The following MTHFS variants were observed in gnomAD, a reference collection of about 807,000 sequenced individuals.
MTHFS encodes 5-formyltetrahydrofolate cyclo-ligase.
MTHFS carries 7 observed loss-of-function variants against 12.7 expected under a neutral mutation model. That is an observed-to-expected ratio of 0.55 (90% CI 0.31 to 1.03). The LOEUF (loss-of-function observed/expected upper bound fraction) is 1.03. Ranked by LOEUF, MTHFS falls within the 50% of genes least tolerant of loss-of-function variation. The pLI, the probability that MTHFS is intolerant of heterozygous loss-of-function variation, is 0.05. For synonymous variants in MTHFS, 100 were observed against 97.1 expected, an observed-to-expected ratio of 1.03 and a Z score of -0.18; for missense variants, 252 against 258.1, an observed-to-expected ratio of 0.98 and a Z score of 0.16.
chr15:79,876,403 G>C (rs535122253), intron 2 of MTHFS: 4 of 151,906 alleles, frequency 2.6e-5, no homozygotes, highest in African/African-American at 9.7e-5. Flanking sequence ...ACAAGGTCAG[G>C]AGATCGAGAC....
intron 2 of MTHFS, among the ~76,000 whole-genome samples, chr15:79,879,321 C>CTTTTTTTTTTT (rs565488885): frequency 2.5e-5 from 2 of 79,330 alleles, no homozygotes; most frequent in African/African-American, 5.4e-5. Flanking sequence ...AATTATTACC[C>CTTTTTTTTTTT]TTTTTTTTTT....
intron 2 of MTHFS, among the ~76,000 whole-genome samples, chr15:79,845,829 A>T (rs2057020083): frequency 6.6e-6 from 1 of 152,180 alleles, no homozygotes; most frequent in Admixed American, 6.5e-5. Context: ...GGCGGGAAAC[A>T]GTCAAGGAGG....
At position 79,845,137 on chromosome 15, in the gene MTHFS, A is replaced by G; in HGVS notation, c.*73T>C. On this transcript the variant is annotated 3_prime_UTR_variant, in exon 3 of 3. Transcript: ENST00000258874. The stretch of plus-strand genomic sequence containing the variant: ...AATGAACAATTTCAACTAATTTTTG[A>G]CAAGGGAAAAATACACATACTTTGC... 1 of 1,555,592 alleles carries G rather than the reference A, an allele frequency of 6.4e-7. No homozygotes were observed. Among genetic ancestry groups the G allele is most frequent in the Non-Finnish European group, 8.7e-7 (1 of 1,148,316 alleles).
chr15:79,865,360 A>G (rs1029443370), intron 2 of MTHFS, among the ~76,000 whole-genome samples: 29 of 152,220 alleles, frequency 1.9e-4, no homozygotes, highest in Non-Finnish European at 3.2e-4. Flanking sequence ...GAAACCAGGA[A>G]AGAATGCCAT....
intron 2 of MTHFS, among the ~76,000 whole-genome samples, chr15:79,867,448 C>A (rs926428930): frequency 4.0e-5 from 6 of 149,056 alleles, no homozygotes; most frequent in African/African-American, 1.5e-4. Flanking sequence ...TCACATATGA[C>A]AAATTTATCT....
chr15:79,873,958 A>T (rs1194246577), intron 2 of MTHFS, among the ~76,000 whole-genome samples: 1 of 152,214 alleles, frequency 6.6e-6, no homozygotes, highest in Non-Finnish European at 1.5e-5. Flanking sequence ...CTGACTAGAA[A>T]CTATAGGGAT....
At chr15:79,871,912 G>A (rs7182846) in intron 2 of MTHFS, among the ~76,000 whole-genome samples, 4,823 of 151,750 alleles carry the variant, frequency 0.032, 276 homozygotes, top group African/African-American at 0.11. Flanking sequence ...AAACCATCCT[G>A]GCCAACATGG....
At chr15:79,848,040 ATATT>A (rs1329401199) in intron 2 of MTHFS, among the ~76,000 whole-genome samples, 1 of 152,178 alleles carries the variant, frequency 6.6e-6, no homozygotes, top group Non-Finnish European at 1.5e-5. Flanking sequence ...TCTTAAAGAG[ATATT>A]TGCACTCCCA....
At chr15:79,850,252 AT>A (rs1409952968) in intron 2 of MTHFS, among the ~76,000 whole-genome samples, 3 of 152,202 alleles carry the variant, frequency 2.0e-5, no homozygotes, top group African/African-American at 7.2e-5. Flanking sequence ...TATTTCAAGT[AT>A]TTTTTGACCA....
chr15:79,847,556 C>T (rs1015524521), intron 2 of MTHFS, among the ~76,000 whole-genome samples: 1 of 150,688 alleles, frequency 6.6e-6, no homozygotes, highest in African/African-American at 2.4e-5. Context: ...TGGTGGAGGG[C>T]GCCTGTAGTC....
In MTHFS at chr15:79,867,585, A is replaced by C. The variant is rs537961992; in HGVS notation, c.379+21508T>G. Among the ~76,000 whole-genome samples the C allele has an allele frequency of 5.3e-5, 8 of 152,158 alleles. No homozygotes were observed. In the South Asian group the frequency reaches 1.7e-3, roughly 32 times the overall value. ...ATTTTTAAACGTAGATAAATGAAAA[A>C]ATAGAAAAAAATGTAATGATGGTCA... On this transcript the variant is annotated intron_variant, in intron 2 of 2. Transcript: ENST00000258874.
intron 1 of MTHFS, among the ~76,000 whole-genome samples, chr15:79,892,621 A>G (rs1450994534): frequency 6.6e-6 from 1 of 152,168 alleles, no homozygotes; most frequent in East Asian, 1.9e-4. Context: ...TTACATATTC[A>G]ATCATACAAC....
Position 79,889,108 on chromosome 15 carries a change from C to A in MTHFS, c.364G>T (p.Glu122Ter). The A allele has an allele frequency of 6.2e-7, 1 of 1,614,176 alleles. No individual in the cohort carries two copies. The highest frequency in any genetic ancestry group is 8.5e-7 in the Non-Finnish European group (1 of 1,180,020). Residue 122 changes from glutamate (E) to a stop codon, truncating the protein, a stop_gained, in exon 2 of 3, where the codon GAG becomes TAG. Coordinates refer to ENST00000258874, the MANE Select transcript of MTHFS (RefSeq NM_006441.4). LOFTEE classifies it low-confidence loss of function (END_TRUNC). Reference protein sequence around the residue: ...PQPGEGDVREEALSTGGLDLI... With the variant: ...PQPGEGDVRE ...TAATACTCACCTGTGGACAAGGCCT[C>A]CTCCCGAACATCACCCTCACCAGGC... is the stretch of plus-strand genomic sequence containing the variant.
intron 1 of MTHFS, among the ~76,000 whole-genome samples, chr15:79,893,489 G>C (rs2034511665): frequency 6.6e-6 from 1 of 151,824 alleles, no homozygotes; most frequent in African/African-American, 2.4e-5. Flanking sequence ...ACGAGGTCAG[G>C]AGATCGAGAC....
Position 79,857,089 on chromosome 15 carries a change from G to A in MTHFS, c.380-11647C>T, listed in dbSNP as rs61621992. On this transcript the variant is annotated intron_variant, in intron 2 of 2. Coordinates refer to ENST00000258874, the MANE Select transcript of MTHFS (RefSeq NM_006441.4). ...CGGCTCACTGCAACCTCCGCCTCCC[G>A]GGTTCAAGCCATTCTCCTGCCTCAG... Among the ~76,000 whole-genome samples, 889 of 151,464 alleles carry A rather than the reference G, an allele frequency of 5.9e-3. 10 individuals are homozygous for A. The highest frequency in any genetic ancestry group is 0.02 in the African/African-American group (809 of 41,258).
At chr15:79,853,446 C>T (rs2033748534) in intron 2 of MTHFS, among the ~76,000 whole-genome samples, 1 of 136,018 alleles carries the variant, frequency 7.4e-6, no homozygotes, top group African/African-American at 3.0e-5. Flanking sequence ...CTCTTTGAAA[C>T]CCAATTTCTT....
chr15:79,895,526 G>A (rs190334774), intron 1 of MTHFS, among the ~76,000 whole-genome samples: 1 of 152,206 alleles, frequency 6.6e-6, no homozygotes, highest in African/African-American at 2.4e-5. Flanking sequence ...GCACTACATA[G>A]GTGTTCAACA....
rs1205695146 is a variant in MTHFS at position 79,844,609 on chromosome 15, T to C, written c.*601A>G. Among the ~76,000 whole-genome samples the C allele has an allele frequency of 6.6e-6, 1 of 152,130 alleles. No individual in the cohort carries two copies. The highest frequency in any genetic ancestry group is 1.5e-5 in the Non-Finnish European group (1 of 68,028). ...CTTAAACTCATCAAGGGCTGATACA[T>C]GCAGTGATGGTAACCAATCAGTGGA... On this transcript the variant is annotated 3_prime_UTR_variant, in exon 3 of 3. Coordinates refer to ENST00000258874, the MANE Select transcript of MTHFS (RefSeq NM_006441.4).
chr15:79,844,889 C>A lies in MTHFS; in HGVS notation c.*321G>T. 1 of 323,930 alleles carries A rather than the reference C, an allele frequency of 3.1e-6. No homozygotes were observed. 20.1% of individuals were successfully genotyped at this position (323,930 alleles called of 1,614,324 possible). A position where few individuals can be genotyped will look rare whatever the true frequency, so the allele number is the denominator to read the frequency against. On this transcript the variant is annotated 3_prime_UTR_variant, in exon 3 of 3. Transcript: ENST00000258874. ...CACTCCCGCAAGTTTACCTTCCTCT[C>A]GCACTCAGTCGGAGCACAGTTCCTC...
Sources: gnomAD v4.1 joint callset for allele counts (sites outside exome capture counted in the v4.1 genomes callset) on GRCh38, gnomAD v4.1.1 for gene constraint, MANE v1.5 for transcripts, NCBI Gene and HGNC (gene_info 2026-07-23, HGNC 2026-07-21) for gene names.